MATK: variants seen among roughly 807,000 people sequenced by gnomAD.
The protein encoded by MATK is megakaryocyte-associated tyrosine kinase, also known as megakaryocyte-associated tyrosine-protein kinase.
A neutral mutation model predicts 59.8 loss-of-function variants in MATK; 41 were observed. The ratio of observed to expected loss-of-function variants is 0.69; its 90% CI spans 0.53 to 0.89. The LOEUF is 0.89. Among genes scored for constraint, MATK ranks in the 40% least tolerant of loss-of-function variants. MATK has a pLI of 0.00. For synonymous variants in MATK, 308 were observed against 306.1 expected, an observed-to-expected ratio of 1.01 and a Z score of -0.06; for missense variants, 593 against 719.6, an observed-to-expected ratio of 0.82 and a Z score of 2.01.
In MATK at chr19:3,784,159, C is replaced by T. The variant is rs1353147720; in HGVS notation, c.327G>A (p.Glu109=). 3.7e-6 allele frequency: 6 copies of T among 1,613,040 alleles called. No homozygotes were observed. The highest frequency in any genetic ancestry group is 5.1e-6 in the Non-Finnish European group (6 of 1,179,630). The part of the protein sequence containing the change: ...LLAAGALRER[E]ALSADPKLSL... ...TGAGCTTGGGGTCTGCGGAGAGGGCCTCCCGCTCCCGCAGCGCCCCAGCTG... is the reference window on the plus strand; with the variant it reads ...TGAGCTTGGGGTCTGCGGAGAGGGCTTCCCGCTCCCGCAGCGCCCCAGCTG... The change falls in exon 5 of 14, where the codon GAG becomes GAA. Residue 109 remains glutamate, a synonymous_variant. Coordinates refer to ENST00000310132, the MANE Select transcript of MATK (RefSeq NM_139355.3).
At chr19:3,801,002 G>A (rs1218331032) in intron 1 of MATK, among the ~76,000 whole-genome samples, 1 of 152,104 alleles carries the variant, frequency 6.6e-6, no homozygotes, top group African/African-American at 2.4e-5. Context: ...TGGGATTACA[G>A]GTGCCCACCA....
intron 6 of MATK, 36 bp downstream of exon 6, chr19:3,783,778 C>G: frequency 6.3e-7 from 1 of 1,592,564 alleles, no homozygotes; most frequent in Non-Finnish European, 8.6e-7. Flanking sequence ...GGCTGCCCCA[C>G]TGCAGGGACG....
intron 1 of MATK, among the ~76,000 whole-genome samples, chr19:3,792,106 TAAAAAA>T (rs59970387): frequency 7.1e-6 from 1 of 141,160 alleles, no homozygotes; most frequent in African/African-American, 2.6e-5. Context: ...GACTCCATCT[TAAAAAA>T]AAAAAAAAAA....
At chr19:3,779,640 G>GAGGGC in intron 9 of MATK, 23 bp from the exon 10 acceptor site, 1 of 1,611,234 alleles carries the variant, frequency 6.2e-7, no homozygotes, top group Non-Finnish European at 8.5e-7. Flanking sequence ...GGGTGGGCGT[G>GAGGGC]AGGGCAGGGC....
chr19:3,778,502 C>A lies in MATK; in HGVS notation c.1284+7G>T. 1 of 1,613,896 alleles carries A rather than the reference C, an allele frequency of 6.2e-7. No homozygotes were observed. Among genetic ancestry groups the A allele is most frequent in the Non-Finnish European group, 8.5e-7 (1 of 1,179,970 alleles). On this transcript the variant is annotated splice_region_variant and intron_variant, in intron 13 of 13. Coordinates refer to ENST00000310132, the MANE Select transcript of MATK (RefSeq NM_139355.3). ...GAACCCAGTGCCTCCCTGGGACCCC[C>A]GCTCACCATTTTAGGGTACGGAGCC...
At position 3,778,122 on chromosome 19, in the gene MATK, C is replaced by A; in HGVS notation, c.*61G>T. 6.6e-7 allele frequency: 1 copy of A among 1,509,718 alleles called. No homozygotes were observed. Among genetic ancestry groups the A allele is most frequent in the South Asian group, 1.3e-5 (1 of 79,076 alleles). The allele number at this position is 1,509,718 out of a possible 1,614,324, so 93.5% of individuals were successfully genotyped here. On this transcript the variant is annotated 3_prime_UTR_variant, in exon 14 of 14. Coordinates refer to ENST00000310132, the MANE Select transcript of MATK (RefSeq NM_139355.3). ...GGACCCTCCTTGGGCCTGGTCAGTG[C>A]CCCCACGCCGCACTCTCCACTCTCT... is the stretch of plus-strand genomic sequence containing the variant.
Position 3,800,607 on chromosome 19 carries a change from C to T in MATK, c.-58+925G>A, listed in dbSNP as rs2037634922. 2.6e-5 allele frequency among the ~76,000 whole-genome samples: 4 copies of T among 152,092 alleles called. No homozygotes were observed. The South Asian group carries it at 6.2e-4, about 24-fold the overall frequency. ...GTTGTGGTGAGCCGAGATTGCGCCACTGCACTCCAGCCTGGGCAACGGGAG... is the reference window on the plus strand; with the variant it reads ...GTTGTGGTGAGCCGAGATTGCGCCATTGCACTCCAGCCTGGGCAACGGGAG... On this transcript the variant is annotated intron_variant, in intron 1 of 13. Coordinates refer to the MATK transcript ENST00000395045.
chr19:3,783,790 G>C (rs2037435382), intron 6 of MATK, 24 bp downstream of exon 6: 3 of 1,600,842 alleles, frequency 1.9e-6, no homozygotes, highest in African/African-American at 2.7e-5. Context: ...GCAGGGACGG[G>C]GTGGGGCCTC....
At chr19:3,783,675 G>T in intron 6 of MATK, 139 bp downstream of exon 6, 1 of 738,082 alleles carries the variant, frequency 1.4e-6, no homozygotes, top group Non-Finnish European at 2.3e-6. Context: ...AGCACAGGAG[G>T]TAGGGATGGT....
chr19:3,786,190 GC>G lies in MATK; in HGVS notation c.-174del. On this transcript the variant is annotated 5_prime_UTR_variant, in exon 1 of 14. An upstream open reading frame in the 5' UTR loses its in-frame stop. Transcript: ENST00000310132. The surrounding 1 kb of genome is among the most constrained non-coding windows in gnomAD (Gnocchi z 4.1). ...TCACCTGCTCAGGGGGCGCCCCCGA[GC>G]CGCGCCCCGCGCCCGCCCCCAGGAG... is the stretch of plus-strand genomic sequence containing the variant. 1.0e-6 allele frequency: 1 copy of G among 982,650 alleles called. No individual in the cohort carries two copies. Among genetic ancestry groups the G allele is most frequent in the Non-Finnish European group, 1.2e-6 (1 of 827,730 alleles). 60.9% of individuals were successfully genotyped at this position (982,650 alleles called of 1,614,324 possible). A position where few individuals can be genotyped will look rare whatever the true frequency, so the allele number is the denominator to read the frequency against.
chr19:3,801,032 G>T (rs779100556), intron 1 of MATK, among the ~76,000 whole-genome samples: 2 of 152,080 alleles, frequency 1.3e-5, no homozygotes, highest in African/African-American at 2.4e-5. Flanking sequence ...GCTGATTTTT[G>T]TATTTTTAGT....
chr19:3,778,584 G>C lies in MATK; in HGVS notation c.1209C>G (p.Ser403Arg). The change falls in exon 13 of 14, where the codon AGC becomes AGG. Residue 403 changes from serine to arginine, a missense_variant. Physicochemically the swap from Ser to Arg is moderately radical, Grantham distance 110. Transcript: ENST00000310132. ...CCCCAAAACTCCAGACATCCGACTT[G>C]CTGGTGAACTTCTGTGGGGCCCGAG... ...PEALKHGKFT[S>R]KSDVWSFGVL... 6.2e-7 allele frequency: 1 copy of C among 1,612,786 alleles called. No homozygotes were observed. The highest frequency in any genetic ancestry group is 1.1e-5 in the South Asian group (1 of 90,892).
exon 1 of MATK, chr19:3,801,644 G>A (rs938493862): frequency 2.0e-5 from 3 of 152,276 alleles, no homozygotes; most frequent in Admixed American, 6.6e-5. Context: ...CCTGCAGCCT[G>A]GTGTCTTCCT....
chr19:3,779,475 C>T lies in MATK; in HGVS notation c.928-24G>A, dbSNP rs533413515. ...CCCTGTTGGGGGTGGGAGATGGCCGCGGGATGTTGGGGCTGCTCCGCTGCG... is the reference window on the plus strand; with the variant it reads ...CCCTGTTGGGGGTGGGAGATGGCCGTGGGATGTTGGGGCTGCTCCGCTGCG... On this transcript the variant is annotated intron_variant, in intron 10 of 13. Transcript: ENST00000310132. 6.2e-6 allele frequency: 10 copies of T among 1,612,640 alleles called. No homozygotes were observed. In the African/African-American group the frequency reaches 6.7e-5, roughly 11 times the overall value.
In MATK at chr19:3,783,319, G is replaced by C. The variant is rs781486718; in HGVS notation, c.583-100C>G. The C allele has an allele frequency of 7.9e-5, 56 of 711,876 alleles. 2 individuals carry two copies. Among genetic ancestry groups the C allele is most frequent in the South Asian group, 7.7e-4 (50 of 65,358 alleles). The allele number at this position is 711,876 out of a possible 1,614,324, so 44.1% of individuals were successfully genotyped here. ...GCCTCTGGGTGGGGTGGGTGGGACC[G>C]GGGAGGAGGAGAAAGGCTGGTTTCC... is the stretch of plus-strand genomic sequence containing the variant. On this transcript the variant is annotated intron_variant, in intron 6 of 13. Transcript: ENST00000310132.
At chr19:3,792,926 C>G (rs1000944138) in intron 1 of MATK, 8 of 152,260 alleles carry the variant, frequency 5.3e-5, no homozygotes, top group Non-Finnish European at 1.5e-5. Flanking sequence ...CCGTCCCCGG[C>G]CTAGCCGTCC....
chr19:3,778,017 TG>T lies in MATK; in HGVS notation c.*165del. The T allele has an allele frequency of 3.3e-6, 3 of 895,750 alleles. No homozygotes were observed. Among genetic ancestry groups the T allele is most frequent in the South Asian group, 1.9e-5 (1 of 53,998 alleles). 55.5% of individuals were successfully genotyped at this position (895,750 alleles called of 1,614,324 possible). ...ATCGGGCGATCATCCTTCGCAGGTC[TG>T]GGGTGTCCACGGGCCGCCCAGAGCC... is the stretch of plus-strand genomic sequence containing the variant. On this transcript the variant is annotated 3_prime_UTR_variant, in exon 14 of 14. Coordinates refer to ENST00000310132, the MANE Select transcript of MATK (RefSeq NM_139355.3).
intron 1 of MATK, among the ~76,000 whole-genome samples, chr19:3,797,299 AT>A (rs200877833): frequency 0.44 from 52,607 of 120,382 alleles, 10,602 homozygotes; most frequent in East Asian, 0.51. Context: ...TTGACTATTA[AT>A]TTTTTTTTTT....
chr19:3,779,635 G>A lies in MATK; in HGVS notation c.843-18C>T. 4 of 1,611,564 alleles carry A rather than the reference G, an allele frequency of 2.5e-6. No individual in the cohort carries two copies. Among genetic ancestry groups the A allele is most frequent in the Non-Finnish European group, 3.4e-6 (4 of 1,179,444 alleles). ...GCATCTTCCTGGGGGCGGTGGGGTG[G>A]GCGTGAGGGCAGGGCTGGGACCCCC... On this transcript the variant is annotated intron_variant, in intron 9 of 13. Transcript: ENST00000310132.
Sources: allele counts gnomAD v4.1 joint callset (sites outside exome capture counted in the v4.1 genomes callset), GRCh38; gene constraint gnomAD v4.1.1; non-coding constraint Gnocchi (gnomAD v3.1); transcripts MANE v1.5; gene names NCBI Gene and HGNC (gene_info 2026-07-23, HGNC 2026-07-21).